Variants in SNTB1 observed in about 807,000 individuals in gnomAD.
The protein encoded by SNTB1 is beta-1-syntrophin.
A neutral mutation model predicts 48.9 loss-of-function variants in SNTB1; 36 were observed. That is an observed-to-expected ratio of 0.74 (90% CI 0.56 to 0.97). The LOEUF (loss-of-function observed/expected upper bound fraction) is 0.97, where lower values mean the gene tolerates loss of function less well. SNTB1 is among the 50% of genes least tolerant of loss of function. SNTB1 has a pLI of 0.00. For synonymous variants in SNTB1, 299 were observed against 294.6 expected (o/e 1.01, Z -0.15); for missense variants, 786 against 703.4 (o/e 1.12, Z -1.33).
intron 3 of SNTB1, among the ~76,000 whole-genome samples, chr8:120,596,203 G>C (rs1452760473): frequency 6.6e-6 from 1 of 152,108 alleles, no homozygotes; most frequent in Admixed American, 6.6e-5. Context: ...GCATTTTCCA[G>C]TGTCTCTCTA....
intron 3 of SNTB1, among the ~76,000 whole-genome samples, chr8:120,600,622 C>A (rs1816406979): frequency 6.6e-6 from 1 of 152,074 alleles, no homozygotes; most frequent in African/African-American, 2.4e-5. Context: ...CCTTACTTGT[C>A]TTTTATTCCA....
intron 4 of SNTB1, among the ~76,000 whole-genome samples, chr8:120,567,497 T>G (rs1238278915): frequency 6.6e-6 from 1 of 151,726 alleles, no homozygotes; most frequent in Non-Finnish European, 1.5e-5. Flanking sequence ...CATAGCTCAT[T>G]GCAACCTTGA....
At chr8:120,810,841 T>C (rs1004022719) in intron 1 of SNTB1, among the ~76,000 whole-genome samples, 3 of 152,062 alleles carry the variant, frequency 2.0e-5, no homozygotes, top group African/African-American at 7.2e-5. Context: ...AACTATGAGT[T>C]GCAATTACGC....
chr8:120,754,133 G>T (rs1252624181), intron 1 of SNTB1, among the ~76,000 whole-genome samples: 3 of 152,162 alleles, frequency 2.0e-5, no homozygotes, highest in Admixed American at 1.3e-4. Flanking sequence ...ATGGCCAGAG[G>T]CTGCATCACA....
rs5894527 is a variant in SNTB1, at chr8:120,543,959, A to ATTT, written c.1334-1962_1334-1960dup. Reference sequence around the variant, plus strand: ...ACTGCCTCCCTGTCTTGACCCCTCCATTTTTTTTTTTTTTGAGACAGGGGT... The same window carrying ATTT: ...ACTGCCTCCCTGTCTTGACCCCTCCATTTTTTTTTTTTTTTTTGAGACAGGGGT... On this transcript the variant is annotated intron_variant, in intron 5 of 6. Transcript: ENST00000517992. Among the ~76,000 whole-genome samples, 65 of 144,714 alleles carry ATTT rather than the reference A, an allele frequency of 4.5e-4. 1 individual carries two copies. Among genetic ancestry groups the ATTT allele is most frequent in the African/African-American group, 1.4e-3 (56 of 39,370 alleles). The allele number at this position is 144,714 out of a possible 152,430, so 94.9% of individuals were successfully genotyped here. A position where few individuals can be genotyped will look rare whatever the true frequency, so the allele number is the denominator to read the frequency against.
At chr8:120,709,094 A>G (rs552171973) in intron 1 of SNTB1, among the ~76,000 whole-genome samples, 47 of 152,136 alleles carry the variant, frequency 3.1e-4, no homozygotes, top group Admixed American at 2.4e-3. Context: ...AAGGGAGGAA[A>G]GGAAGGAGGG....
rs987731509 is a variant in SNTB1 at position 120,633,367 on chromosome 8, A to G, written c.789-716T>C. ...ATGACTGTAATCCCAGCACTTTGGA[A>G]GGCTGAGGTGGGCAGATCACCTGAG... On this transcript the variant is annotated intron_variant, in intron 2 of 6. Coordinates refer to ENST00000517992, the MANE Select transcript of SNTB1 (RefSeq NM_021021.4). Among the ~76,000 whole-genome samples the G allele has an allele frequency of 2.6e-5, 4 of 152,278 alleles. No individual in the cohort carries two copies. The East Asian group carries it at 5.8e-4, about 22-fold the overall frequency.
At chr8:120,755,655 T>C (rs1485772761) in intron 1 of SNTB1, among the ~76,000 whole-genome samples, 1 of 152,114 alleles carries the variant, frequency 6.6e-6, no homozygotes, top group African/African-American at 2.4e-5. Context: ...ATTATAATAG[T>C]AGTAGTGGTG....
chr8:120,752,494 A>T (rs1449309522), intron 1 of SNTB1, among the ~76,000 whole-genome samples: 2 of 152,110 alleles, frequency 1.3e-5, no homozygotes, highest in Non-Finnish European at 2.9e-5. Context: ...ACTCACAACT[A>T]TGTTCATTGT....
chr8:120,558,415 T>C (rs6997783), intron 4 of SNTB1, among the ~76,000 whole-genome samples: 29,400 of 152,154 alleles, frequency 0.19, 3,490 homozygotes, highest in East Asian at 0.45. Flanking sequence ...AAGTATTATC[T>C]GAAACTGCTT....
intron 1 of SNTB1, among the ~76,000 whole-genome samples, chr8:120,773,748 C>A (rs61333264): frequency 0.026 from 3,966 of 152,270 alleles, 171 homozygotes; most frequent in African/African-American, 0.09. Flanking sequence ...TTCCCAAGCA[C>A]CCTATCAAGT....
chr8:120,552,378 T>G, intron 4 of SNTB1, among the ~76,000 whole-genome samples: 1 of 151,660 alleles, frequency 6.6e-6, no homozygotes. Flanking sequence ...AGGCTTTTAT[T>G]TATTTATTTA....
chr8:120,599,379 A>G (rs1816384162), intron 3 of SNTB1, among the ~76,000 whole-genome samples: 1 of 152,256 alleles, frequency 6.6e-6, no homozygotes, highest in Non-Finnish European at 1.5e-5. Flanking sequence ...GAGGTTGACA[A>G]AATGACCTTG....
chr8:120,718,512 G>A (rs1483213904), intron 1 of SNTB1, among the ~76,000 whole-genome samples: 1 of 152,232 alleles, frequency 6.6e-6, no homozygotes, highest in African/African-American at 2.4e-5. Flanking sequence ...TTTATTACAT[G>A]TTTGTAAATT....
intron 1 of SNTB1, among the ~76,000 whole-genome samples, chr8:120,783,943 T>C (rs4871131): frequency 0.18 from 28,039 of 152,132 alleles, 3,082 homozygotes; most frequent in Middle Eastern, 0.26. Context: ...TGATTGAAAG[T>C]ATATGGGAAA....
intron 1 of SNTB1, among the ~76,000 whole-genome samples, chr8:120,721,389 G>A (rs1439322638): frequency 1.3e-5 from 2 of 152,072 alleles, no homozygotes; most frequent in East Asian, 1.9e-4. Context: ...CTAATTGCAG[G>A]GGCATCTGTT....
In SNTB1 at chr8:120,650,071, A is replaced by C. The variant is rs572261632; in HGVS notation, c.789-17420T>G. On this transcript the variant is annotated intron_variant, in intron 2 of 6. Transcript: ENST00000517992. ...CACTGACCTGCGCCCACTGTCTGGCACTCCCTAGTGAGATGAACCCAGTAC... is the reference window on the plus strand; with the variant it reads ...CACTGACCTGCGCCCACTGTCTGGCCCTCCCTAGTGAGATGAACCCAGTAC... Among the ~76,000 whole-genome samples the C allele has an allele frequency of 3.4e-3, 514 of 152,002 alleles. 2 individuals are homozygous for C. Among genetic ancestry groups the C allele is most frequent in the Non-Finnish European group, 5.4e-3 (367 of 67,986 alleles).
At chr8:120,608,407 A>G (rs1816561135) in intron 3 of SNTB1, among the ~76,000 whole-genome samples, 1 of 152,242 alleles carries the variant, frequency 6.6e-6, no homozygotes, top group Non-Finnish European at 1.5e-5. Flanking sequence ...TAAGTAAAAT[A>G]AAGTCATATG....
chr8:120,613,041 T>C (rs542150961), intron 3 of SNTB1, among the ~76,000 whole-genome samples: 5 of 152,268 alleles, frequency 3.3e-5, no homozygotes, highest in East Asian at 3.9e-4. Context: ...TTCTCACTCT[T>C]ATGTGGGAAC....
Sources: allele counts gnomAD v4.1 joint callset (sites outside exome capture counted in the v4.1 genomes callset), GRCh38; gene constraint gnomAD v4.1.1; transcripts MANE v1.5; gene names NCBI Gene and HGNC (gene_info 2026-07-23, HGNC 2026-07-21).